Variants in NF1 observed in about 807,000 individuals in gnomAD.
NF1 encodes neurofibromin 1.
NF1 carries 122 observed loss-of-function variants against 325.7 expected under a neutral mutation model. The ratio of observed to expected loss-of-function variants is 0.37; its 90% CI spans 0.32 to 0.44. NF1 has a LOEUF of 0.44. Ranked by LOEUF, NF1 falls within the 20% of genes least tolerant of loss-of-function variation. NF1 has a pLI of 1.00. For synonymous variants in NF1, 1,091 were observed against 1,186.0 expected (o/e 0.92, Z 1.65); for missense variants, 2,140 against 3,415.4 (o/e 0.63, Z 9.31).
rs1156571421 is a variant in NF1, at chr17:31,229,253, G to A, written c.2638G>A (p.Val880Met). 1 of 1,613,032 alleles carries A rather than the reference G, an allele frequency of 6.2e-7. No individual in the cohort carries two copies. The change falls in exon 21 of 58, where the codon GTG (valine) becomes ATG (methionine). Residue 880 changes from valine to methionine, a missense_variant. Val to Met is a conservative substitution (Grantham distance 21). Transcript: ENST00000358273. ...TGAACGTAAGGGTTCTATGATTTCA[G>A]TGATGTCTTCAGAGGGAAACGCAGA... ...VSERKGSMIS[V>M]MSSEGNADTP... is the part of the protein sequence containing the mutation.
At chr17:31,304,027 A>G (rs575481764) in intron 36 of NF1, 7 of 361,126 alleles carry the variant, frequency 1.9e-5, no homozygotes, top group African/African-American at 1.0e-4. Flanking sequence ...TACCATTTAC[A>G]TATGTAAAAT....
At chr17:31,157,482 C>G (rs1288436943) in intron 2 of NF1, among the ~76,000 whole-genome samples, 1 of 151,928 alleles carries the variant, frequency 6.6e-6, no homozygotes, top group Non-Finnish European at 1.5e-5. Flanking sequence ...TAATTTTTCT[C>G]TTGTTCTATT....
chr17:31,191,139 A>G (rs1330490962), intron 8 of NF1, among the ~76,000 whole-genome samples: 1 of 152,248 alleles, frequency 6.6e-6, no homozygotes, highest in Admixed American at 6.5e-5. Context: ...ATTTTCAAGC[A>G]TAGAATGATA....
chr17:31,230,778 T>G, intron 23 of NF1, 64 bp from the exon 24 acceptor site: 1 of 1,230,680 alleles, frequency 8.1e-7, no homozygotes, highest in Non-Finnish European at 1.2e-6. Flanking sequence ...CTTACGTGAC[T>G]AAAGGTGTGT....
intron 12 of NF1, among the ~76,000 whole-genome samples, chr17:31,212,624 T>G (rs1261562557): frequency 5.3e-5 from 8 of 152,230 alleles, no homozygotes; most frequent in Non-Finnish European, 1.2e-4. Flanking sequence ...GCAGGAGAAT[T>G]GCCTGAACCC....
chr17:31,310,013 A>T (rs925362037), intron 36 of NF1, among the ~76,000 whole-genome samples: 1 of 152,188 alleles, frequency 6.6e-6, no homozygotes, highest in Non-Finnish European at 1.5e-5. Context: ...GAGAAGAAAG[A>T]TTTAAAAGAG....
chr17:31,238,918 A>G (rs1217459671), intron 29 of NF1, among the ~76,000 whole-genome samples: 1 of 152,222 alleles, frequency 6.6e-6, no homozygotes, highest in East Asian at 1.9e-4. Flanking sequence ...CTACAGTTAC[A>G]GCGAACATTA....
chr17:31,162,133 T>C (rs1180661285), intron 3 of NF1, among the ~76,000 whole-genome samples: 1 of 151,002 alleles, frequency 6.6e-6, no homozygotes, highest in African/African-American at 2.4e-5. Flanking sequence ...ATCAAGGATA[T>C]GGAACATTCT....
intron 4 of NF1, among the ~76,000 whole-genome samples, chr17:31,163,975 C>T (rs2065805659): frequency 6.6e-6 from 1 of 152,206 alleles, no homozygotes; most frequent in African/African-American, 2.4e-5. Flanking sequence ...AAGTGGACTA[C>T]ATTTTAAATG....
chr17:31,221,288 T>G (rs1435510734), intron 14 of NF1, among the ~76,000 whole-genome samples: 2 of 152,090 alleles, frequency 1.3e-5, no homozygotes, highest in East Asian at 1.9e-4. Flanking sequence ...GATTCCAACT[T>G]CAGTTCTGTG....
chr17:31,361,464 C>A (rs371535373), intron 57 of NF1: 3 of 152,094 alleles, frequency 2.0e-5, no homozygotes, highest in African/African-American at 7.2e-5. Flanking sequence ...AGAACTTAAA[C>A]TATTGTGTGT....
chr17:31,127,594 T>C (rs768791004), intron 1 of NF1, among the ~76,000 whole-genome samples: 2 of 134,776 alleles, frequency 1.5e-5, no homozygotes, highest in Non-Finnish European at 3.1e-5. Flanking sequence ...GTCTTTATAC[T>C]TTTTTTTTTT....
intron 36 of NF1, chr17:31,305,721 A>C (rs2068702101): frequency 9.3e-7 from 1 of 1,071,588 alleles, no homozygotes; most frequent in Non-Finnish European, 1.3e-6. Context: ...TCCTGGCATA[A>C]AGTAGGTAGA....
intron 5 of NF1, among the ~76,000 whole-genome samples, chr17:31,178,071 T>C (rs1209605498): frequency 6.6e-6 from 1 of 152,044 alleles, no homozygotes; most frequent in Non-Finnish European, 1.5e-5. Context: ...AATCGTCAGA[T>C]TCACCAAGGT....
At chr17:31,244,165 T>C (rs2067351694) in intron 29 of NF1, among the ~76,000 whole-genome samples, 1 of 152,168 alleles carries the variant, frequency 6.6e-6, no homozygotes, top group African/African-American at 2.4e-5. Flanking sequence ...TGCCCTCTCC[T>C]ACTGTGGCTA....
chr17:31,305,552 A>G, intron 36 of NF1: 1 of 1,614,196 alleles, frequency 6.2e-7, no homozygotes, highest in Non-Finnish European at 8.5e-7. Context: ...GTCTTTGAAA[A>G]AAATGTATTG....
intron 23 of NF1, 109 bp downstream of exon 23, chr17:31,230,491 A>G: frequency 7.4e-7 from 1 of 1,352,274 alleles, no homozygotes; most frequent in Non-Finnish European, 1.0e-6. Flanking sequence ...ACATGAAAAG[A>G]GAGCAATTTA....
At chr17:31,112,892 G>A (rs961534477) in intron 1 of NF1, among the ~76,000 whole-genome samples, 1 of 152,078 alleles carries the variant, frequency 6.6e-6, no homozygotes, top group East Asian at 1.9e-4. Flanking sequence ...ACTAACGTTT[G>A]TGGCTCATTT....
At chr17:31,288,396 ACTTCT>A (rs1321593456) in intron 36 of NF1, among the ~76,000 whole-genome samples, 6 of 152,092 alleles carry the variant, frequency 3.9e-5, no homozygotes, top group Non-Finnish European at 5.9e-5. Flanking sequence ...ATTTGTTTCT[ACTTCT>A]CTTCTAACTT....
Sources: gnomAD v4.1 joint callset for allele counts (sites outside exome capture counted in the v4.1 genomes callset) on GRCh38, gnomAD v4.1.1 for gene constraint, MANE v1.5 for transcripts, NCBI Gene and HGNC (gene_info 2026-07-23, HGNC 2026-07-21) for gene names.